The following HSD17B12 variants were observed in gnomAD, a reference collection of about 807,000 sequenced individuals.
HSD17B12 encodes the protein hydroxysteroid 17-beta dehydrogenase 12.
Under a neutral mutation model 39.3 loss-of-function variants are expected in HSD17B12, and 32 were observed. That is an observed-to-expected ratio of 0.81 (90% CI 0.61 to 1.09). HSD17B12 has a LOEUF of 1.09. Ranked by LOEUF, HSD17B12 falls within the 50% of genes least tolerant of loss-of-function variation. The pLI is 0.00. For missense variants in HSD17B12, 342 were observed against 382.9 expected, an observed-to-expected ratio of 0.89 and a Z score of 0.89; for synonymous variants, 150 against 146.7, an observed-to-expected ratio of 1.02 and a Z score of -0.16.
the HSD17B12 span, among the ~76,000 whole-genome samples, chr11:43,598,648 G>C: frequency 6.6e-6 from 1 of 151,968 alleles, no homozygotes; most frequent in Non-Finnish European, 1.5e-5. Context: ...TTGTCCCTAA[G>C]CCCTCTTCCT....
the HSD17B12 span, among the ~76,000 whole-genome samples, chr11:43,583,887 G>A: frequency 1.3e-5 from 2 of 152,074 alleles, no homozygotes; most frequent in East Asian, 3.9e-4. Context: ...AGAAGTGTTC[G>A]GAAGGCAGCT....
chr11:43,603,239 G>T, the HSD17B12 span, among the ~76,000 whole-genome samples: 4 of 152,068 alleles, frequency 2.6e-5, no homozygotes, highest in African/African-American at 7.2e-5. Flanking sequence ...CTGTTAATCA[G>T]ATTCCATATT....
the HSD17B12 span, among the ~76,000 whole-genome samples, chr11:43,591,315 A>G: frequency 1.6e-3 from 251 of 152,284 alleles, 1 homozygote; most frequent in African/African-American, 5.7e-3. Flanking sequence ...GTGTTTTCAG[A>G]TATTTGCAGG....
chr11:43,811,143 T>C (rs751541996), intron 4 of HSD17B12, among the ~76,000 whole-genome samples: 65 of 152,350 alleles, frequency 4.3e-4, no homozygotes, highest in Non-Finnish European at 8.4e-4. Flanking sequence ...TGCCTGCTGT[T>C]AGGTTATTGC....
intron 3 of HSD17B12, among the ~76,000 whole-genome samples, chr11:43,755,839 A>ATGC (rs1297793031): frequency 6.6e-6 from 1 of 152,190 alleles, no homozygotes; most frequent in Non-Finnish European, 1.5e-5. Flanking sequence ...TCTGTTTTTC[A>ATGC]TGCTGCTGAT....
At position 43,765,725 on chromosome 11, in the gene HSD17B12, C is replaced by T. The variant is rs147659069; in HGVS notation, c.283+11604C>T. ...ATTTATATGCCTTCACATTCACCAA[C>T]GTTTTTTTCTGCAGTGTCTAATCTG... On this transcript the variant is annotated intron_variant, in intron 3 of 10. Transcript: ENST00000278353. Among the ~76,000 whole-genome samples, 733 of 152,228 alleles carry T rather than the reference C, an allele frequency of 4.8e-3. 19 individuals are homozygous for T. Among genetic ancestry groups the T allele is most frequent in the Admixed American group, 0.04 (614 of 15,290 alleles).
At chr11:43,599,272 C>G in the HSD17B12 span, among the ~76,000 whole-genome samples, 1 of 152,122 alleles carries the variant, frequency 6.6e-6, no homozygotes, top group African/African-American at 2.4e-5. Flanking sequence ...AATAGGAAAT[C>G]AGAATGCCTG....
At chr11:43,799,265 C>G (rs1034734583) in intron 4 of HSD17B12, among the ~76,000 whole-genome samples, 1 of 151,948 alleles carries the variant, frequency 6.6e-6, no homozygotes. Flanking sequence ...AGATTCCCAC[C>G]CCACCCTGAC....
At chr11:43,721,085 T>G (rs2134864494) in intron 1 of HSD17B12, among the ~76,000 whole-genome samples, 1 of 151,942 alleles carries the variant, frequency 6.6e-6, no homozygotes, top group Non-Finnish European at 1.5e-5. Flanking sequence ...TTTAAGGGAA[T>G]ATGGTGATGA....
the HSD17B12 span, among the ~76,000 whole-genome samples, chr11:43,613,856 G>A: frequency 4.6e-5 from 7 of 152,048 alleles, no homozygotes; most frequent in South Asian, 2.1e-4. Context: ...TAGTAGAGCC[G>A]GAGTTTCACC....
intron 4 of HSD17B12, among the ~76,000 whole-genome samples, 192 bp from the exon 5 acceptor site, chr11:43,815,245 G>A (rs1333910399): frequency 6.6e-6 from 1 of 152,144 alleles, no homozygotes; most frequent in Non-Finnish European, 1.5e-5. Context: ...TTTAATGAAG[G>A]AAGAGACATT....
chr11:43,658,805 T>TG, the HSD17B12 span, among the ~76,000 whole-genome samples: 1 of 152,288 alleles, frequency 6.6e-6, no homozygotes, highest in South Asian at 2.1e-4. Context: ...CCGCCCCTAC[T>TG]GGGGGGTGCC....
the HSD17B12 span, among the ~76,000 whole-genome samples, chr11:43,601,068 CT>C: frequency 1.8e-4 from 27 of 150,926 alleles, no homozygotes; most frequent in African/African-American, 6.3e-4. Flanking sequence ...GTATTCTGTC[CT>C]TTTTTTATTT....
chr11:43,564,750 C>G, the HSD17B12 span, among the ~76,000 whole-genome samples: 2 of 152,134 alleles, frequency 1.3e-5, no homozygotes, highest in Non-Finnish European at 2.9e-5. Flanking sequence ...CTATTTTAAA[C>G]CAATTGGAAC....
intron 1 of HSD17B12, among the ~76,000 whole-genome samples, chr11:43,714,963 C>T (rs924863555): frequency 1.3e-5 from 2 of 152,084 alleles, no homozygotes; most frequent in Non-Finnish European, 1.5e-5. Context: ...GTGATTTTTG[C>T]ACATTGATTT....
chr11:43,682,104 A>G (rs1383498647), intron 1 of HSD17B12, among the ~76,000 whole-genome samples: 1 of 152,220 alleles, frequency 6.6e-6, no homozygotes, highest in African/African-American at 2.4e-5. Flanking sequence ...AGAAACATTT[A>G]AACAACCTAG....
chr11:43,832,912 A>C, intron 7 of HSD17B12: 1 of 152,210 alleles, frequency 6.6e-6, no homozygotes, highest in Non-Finnish European at 1.5e-5. Flanking sequence ...CACAGCTATA[A>C]TCCCAGCTAC....
At chr11:43,616,237 G>T in the HSD17B12 span, among the ~76,000 whole-genome samples, 1 of 151,602 alleles carries the variant, frequency 6.6e-6, no homozygotes, top group Non-Finnish European at 1.5e-5. Context: ...GTGAAACCCC[G>T]TCTCTACTAA....
chr11:43,606,229 C>G, the HSD17B12 span, among the ~76,000 whole-genome samples: 1 of 152,194 alleles, frequency 6.6e-6, no homozygotes, highest in South Asian at 2.1e-4. Context: ...GTACTCATAT[C>G]GTTACAATCC....
Sources: gnomAD v4.1 joint callset for allele counts (sites outside exome capture counted in the v4.1 genomes callset) on GRCh38, gnomAD v4.1.1 for gene constraint, MANE v1.5 for transcripts, NCBI Gene and HGNC (gene_info 2026-07-23, HGNC 2026-07-21) for gene names.